FRAS1: variants seen among roughly 807,000 people sequenced by gnomAD.
FRAS1 encodes the protein extracellular matrix organizing protein FRAS1.
A neutral mutation model predicts 435.2 loss-of-function variants in FRAS1; 290 were observed. The ratio of observed to expected loss-of-function variants is 0.67; its 90% CI spans 0.61 to 0.73. The LOEUF (loss-of-function observed/expected upper bound fraction) is 0.73. Ranked by LOEUF, FRAS1 falls within the 30% of genes least tolerant of loss-of-function variation. The pLI is 0.00. For missense variants in FRAS1, 4,860 were observed against 5,001.5 expected, an observed-to-expected ratio of 0.97 and a Z score of 0.85; for synonymous variants, 1,800 against 1,851.0, an observed-to-expected ratio of 0.97 and a Z score of 0.71.
At chr4:78,316,447 C>G (rs955364499) in intron 16 of FRAS1, among the ~76,000 whole-genome samples, 4 of 152,182 alleles carry the variant, frequency 2.6e-5, no homozygotes, top group African/African-American at 9.7e-5. Flanking sequence ...GCAGCCTCCC[C>G]TTTGCCTGCC....
intron 2 of FRAS1, among the ~76,000 whole-genome samples, chr4:78,083,782 C>T (rs910621642): frequency 9.2e-5 from 14 of 151,972 alleles, no homozygotes; most frequent in African/African-American, 3.4e-4. Flanking sequence ...TAGCTTCTCA[C>T]CTAATATTGT....
intron 2 of FRAS1, among the ~76,000 whole-genome samples, chr4:78,121,351 A>G (rs1378474790): frequency 6.6e-6 from 1 of 152,212 alleles, no homozygotes; most frequent in Non-Finnish European, 1.5e-5. Flanking sequence ...TAAATTTCTT[A>G]AAACAAGCCC....
chr4:78,252,443 G>A lies in FRAS1; in HGVS notation c.361G>A (p.Gly121Arg), dbSNP rs1725580084. The A allele has an allele frequency of 1.1e-5, 17 of 1,613,420 alleles. No homozygotes were observed. Among genetic ancestry groups the A allele is most frequent in the Non-Finnish European group, 1.4e-5 (16 of 1,179,772 alleles). Residue 121 changes from glycine (G) to arginine (R), a missense_variant, in exon 5 of 74, where the codon GGG (glycine) becomes AGG (arginine). Physicochemically the swap from Gly to Arg is moderately radical, Grantham distance 125. Transcript: ENST00000512123. ...SPCSVCSCNH[G>R]EVRCTPQPCP... is the part of the protein sequence containing the mutation. ...ATGTAGTGTGTGCTCTTGCAATCAT[G>A]GGGAAGTCCGATGTACCCCCCAACC... is the stretch of plus-strand genomic sequence containing the variant.
intron 2 of FRAS1, among the ~76,000 whole-genome samples, chr4:78,083,628 T>C (rs1317390344): frequency 2.7e-5 from 4 of 148,428 alleles, no homozygotes; most frequent in African/African-American, 7.4e-5. Context: ...CAAGTTCTGT[T>C]TTTTTTTTTT....
At chr4:78,174,832 G>A (rs1721698003) in intron 2 of FRAS1, among the ~76,000 whole-genome samples, 1 of 152,222 alleles carries the variant, frequency 6.6e-6, no homozygotes, top group South Asian at 2.1e-4. Context: ...GAATACCTGT[G>A]TAGGAATAGT....
In FRAS1 at chr4:78,432,464, A is replaced by G; in HGVS notation, c.5077A>G (p.Thr1693Ala). The G allele has an allele frequency of 1.2e-6, 2 of 1,613,454 alleles. No individual in the cohort carries two copies. The highest frequency in any genetic ancestry group is 8.5e-7 in the Non-Finnish European group (1 of 1,179,678). ...SMEISVTDGL[T>A]VTMLEVRVEV... ...GGAGATCTCAGTCACAGATGGCCTC[A>G]CAGTGACAATGCTGGAGGTGAGAGT... The change falls in exon 38 of 74, where the codon ACA becomes GCA. Residue 1693 changes from threonine to alanine, a missense_variant. Transcript: ENST00000512123.
intron 59 of FRAS1, among the ~76,000 whole-genome samples, chr4:78,491,571 A>G (rs898136103): frequency 1.3e-5 from 2 of 152,206 alleles, no homozygotes; most frequent in African/African-American, 4.8e-5. Flanking sequence ...TATCTAATAG[A>G]TGCAGAAAAG....
intron 2 of FRAS1, among the ~76,000 whole-genome samples, chr4:78,226,044 CACTT>C (rs1724255523): frequency 6.6e-6 from 1 of 152,106 alleles, no homozygotes; most frequent in South Asian, 2.1e-4. Flanking sequence ...TAGTTAAACA[CACTT>C]TTACTATTCC....
At chr4:78,187,073 T>C (rs1217543970) in intron 2 of FRAS1, among the ~76,000 whole-genome samples, 1 of 152,252 alleles carries the variant, frequency 6.6e-6, no homozygotes, top group Admixed American at 6.5e-5. Flanking sequence ...GTCAACTCTC[T>C]ATACAAATGG....
intron 2 of FRAS1, among the ~76,000 whole-genome samples, chr4:78,189,024 G>A (rs940473509): frequency 2.6e-5 from 4 of 152,112 alleles, no homozygotes; most frequent in East Asian, 1.9e-4. Flanking sequence ...TATTACTGCC[G>A]AACTGTAGGT....
At chr4:78,373,495 A>G (rs1362052056) in intron 24 of FRAS1, among the ~76,000 whole-genome samples, 2 of 146,062 alleles carry the variant, frequency 1.4e-5, no homozygotes, top group African/African-American at 5.0e-5. Flanking sequence ...ATAGTTGCTT[A>G]GGCCAGGAAT....
intron 2 of FRAS1, among the ~76,000 whole-genome samples, chr4:78,113,820 T>C (rs796676798): frequency 6.6e-6 from 1 of 152,144 alleles, no homozygotes; most frequent in African/African-American, 2.4e-5. Flanking sequence ...TGTGCAGAAG[T>C]TCTTTAGTTC....
chr4:78,234,440 T>C (rs972171757), intron 2 of FRAS1, among the ~76,000 whole-genome samples: 2 of 152,102 alleles, frequency 1.3e-5, no homozygotes, highest in African/African-American at 4.8e-5. Flanking sequence ...TTAGCCAGGA[T>C]GATCTCGATC....
rs147008550 is a variant in FRAS1, at chr4:78,433,809, T to C, written c.5217+1205T>C. On this transcript the variant is annotated intron_variant, in intron 38 of 73. Transcript: ENST00000512123. ...CGATCACCAGAGCTTGAAAAATGTT[T>C]CACAGTCCAAAATAGCGCTCCAGGA... 7.8e-3 allele frequency among the ~76,000 whole-genome samples: 1,191 copies of C among 152,342 alleles called. 22 individuals are homozygous for C. The highest frequency in any genetic ancestry group is 0.026 in the African/African-American group (1,068 of 41,568).
intron 2 of FRAS1, among the ~76,000 whole-genome samples, chr4:78,121,889 G>A (rs1719051284): frequency 6.6e-6 from 1 of 152,172 alleles, no homozygotes; most frequent in Non-Finnish European, 1.5e-5. Flanking sequence ...CAAAGGTAAA[G>A]ACATTGACAT....
At chr4:78,165,014 TAC>T (rs1721279622) in intron 2 of FRAS1, among the ~76,000 whole-genome samples, 1 of 152,180 alleles carries the variant, frequency 6.6e-6, no homozygotes, top group Non-Finnish European at 1.5e-5. Flanking sequence ...TAAGTCAGAT[TAC>T]AAATTAAAAA....
intron 22 of FRAS1, among the ~76,000 whole-genome samples, chr4:78,365,409 G>C (rs1222530185): frequency 6.6e-6 from 1 of 152,184 alleles, no homozygotes; most frequent in African/African-American, 2.4e-5. Flanking sequence ...AGGAGCAAGA[G>C]AGTGCTGGTG....
intron 18 of FRAS1, among the ~76,000 whole-genome samples, chr4:78,320,977 C>T (rs1336195171): frequency 2.0e-5 from 3 of 152,194 alleles, no homozygotes; most frequent in Non-Finnish European, 4.4e-5. Flanking sequence ...AACAAAGTGA[C>T]ATCTTCCTAG....
At chr4:78,133,303 G>C (rs557788211) in intron 2 of FRAS1, among the ~76,000 whole-genome samples, 1 of 151,818 alleles carries the variant, frequency 6.6e-6, no homozygotes, top group Admixed American at 6.6e-5. Flanking sequence ...TTATTTCTGG[G>C]ACCTAAAAAT....
Sources: gnomAD v4.1 joint callset for allele counts (sites outside exome capture counted in the v4.1 genomes callset) on GRCh38, gnomAD v4.1.1 for gene constraint, MANE v1.5 for transcripts, NCBI Gene and HGNC (gene_info 2026-07-23, HGNC 2026-07-21) for gene names.